DSC2: variants seen among roughly 807,000 people sequenced by gnomAD.
DSC2 encodes desmocollin-2.
Under a neutral mutation model 87.6 loss-of-function variants are expected in DSC2, and 51 were observed. The observed-to-expected ratio is 0.58, with a 90% CI of 0.46 to 0.74. The LOEUF (loss-of-function observed/expected upper bound fraction) is 0.74. Among genes scored for constraint, DSC2 ranks in the 30% least tolerant of loss-of-function variants. The pLI is 0.00. For synonymous variants in DSC2, 383 were observed against 393.2 expected, an observed-to-expected ratio of 0.97 and a Z score of 0.31; for missense variants, 1,066 against 1,089.5, an observed-to-expected ratio of 0.98 and a Z score of 0.30.
In DSC2 at chr18:31,068,938, T is replaced by A. The variant is rs1986724131; in HGVS notation, c.2464A>T (p.Thr822Ser). The change falls in exon 15 of 16, where the codon ACT (threonine) becomes TCT (serine). Residue 822 changes from threonine to serine, a missense_variant. Coordinates refer to ENST00000280904, the MANE Select transcript of DSC2 (RefSeq NM_024422.6). ...GHTEVDNCRY[T>S]YSEWHSFTQP... is the part of the protein sequence containing the mutation. ...GTAAAACTGTGCCACTCCGAGTAAGTGTATCTGCAGTTGTCCACCTCCGTG... is the reference window on the plus strand; with the variant it reads ...GTAAAACTGTGCCACTCCGAGTAAGAGTATCTGCAGTTGTCCACCTCCGTG... The A allele has an allele frequency of 6.2e-7, 1 of 1,613,956 alleles. No individual in the cohort carries two copies. The highest frequency in any genetic ancestry group is 2.2e-5 in the East Asian group (1 of 44,864).
In DSC2 at chr18:31,064,046, G is replaced by A. The variant is rs1986555681; in HGVS notation, c.*3969C>T. Reference sequence around the variant, plus strand: ...GATTTAATCTGGGGTACTGGCGGGGGGGAATATTGATCAGGAATGAAGTGA... The same window carrying A: ...GATTTAATCTGGGGTACTGGCGGGGAGGAATATTGATCAGGAATGAAGTGA... On this transcript the variant is annotated 3_prime_UTR_variant, in exon 16 of 16. Coordinates refer to ENST00000280904, the MANE Select transcript of DSC2 (RefSeq NM_024422.6). 1 of 152,588 alleles carries A rather than the reference G, an allele frequency of 6.6e-6. No individual in the cohort carries two copies. The highest frequency in any genetic ancestry group is 2.4e-5 in the African/African-American group (1 of 41,430). 9.5% of individuals were successfully genotyped at this position (152,588 alleles called of 1,614,324 possible). A position where few individuals can be genotyped will look rare whatever the true frequency, so the allele number is the denominator to read the frequency against.
At chr18:31,091,238 G>A in intron 3 of DSC2, 91 bp from the exon 4 acceptor site, 1 of 1,524,318 alleles carries the variant, frequency 6.6e-7, no homozygotes, top group Non-Finnish European at 9.0e-7. Flanking sequence ...CTCTCAGGAG[G>A]ATTAGCTGGG....
At chr18:31,101,766 C>T in intron 1 of DSC2, 137 bp downstream of exon 1, 1 of 655,908 alleles carries the variant, frequency 1.5e-6, no homozygotes, top group South Asian at 2.2e-5. Flanking sequence ...CCCCCGCCAA[C>T]TCCATTTTCT....
chr18:31,094,344 A>C (rs2144852473), intron 1 of DSC2, among the ~76,000 whole-genome samples: 1 of 152,370 alleles, frequency 6.6e-6, no homozygotes, highest in Middle Eastern at 3.4e-3. Flanking sequence ...TACTCCACAC[A>C]ATAGGCACAT....
intron 5 of DSC2, among the ~76,000 whole-genome samples, chr18:31,089,204 G>GT (rs1987506145): frequency 6.7e-6 from 1 of 149,278 alleles, no homozygotes; most frequent in South Asian, 2.1e-4. Flanking sequence ...AAGTGGTACT[G>GT]TTGTGGGGGA....
chr18:31,093,542 T>C lies in DSC2; in HGVS notation c.154+17A>G, dbSNP rs764750409. 1 of 1,589,628 alleles carries C rather than the reference T, an allele frequency of 6.3e-7. No individual in the cohort carries two copies. Among genetic ancestry groups the C allele is most frequent in the Non-Finnish European group, 8.6e-7 (1 of 1,161,780 alleles). On this transcript the variant is annotated intron_variant, in intron 2 of 15. Coordinates refer to ENST00000280904, the MANE Select transcript of DSC2 (RefSeq NM_024422.6). ...ACAGCAAAACAGGATTTATTACAAA[T>C]TTTAGGGCTTCCTTACCTCTACCAA...
chr18:31,087,564 T>C (rs1379481314), intron 6 of DSC2, 105 bp downstream of exon 6: 6 of 1,342,996 alleles, frequency 4.5e-6, no homozygotes, highest in Non-Finnish European at 5.2e-6. Context: ...CAGAGTCCCT[T>C]ATTCTTGCTG....
Position 31,093,618 on chromosome 18 carries a change from C to T in DSC2, c.95G>A (p.Cys32Tyr), listed in dbSNP as rs2144850464. 1 of 1,596,498 alleles carries T rather than the reference C, an allele frequency of 6.3e-7. No individual in the cohort carries two copies. The highest frequency in any genetic ancestry group is 8.6e-7 in the Non-Finnish European group (1 of 1,168,816). The change falls in exon 2 of 16, where the codon TGC (cysteine) becomes TAC (tyrosine). Residue 32 changes from cysteine to tyrosine, a missense_variant. Transcript: ENST00000280904. Reference sequence around the variant, plus strand: ...GGGAACATGTAATGTCACATTTTTGCAGGCATCACTGGCAAATATTAAGAT... The same window carrying T: ...GGGAACATGTAATGTCACATTTTTGTAGGCATCACTGGCAAATATTAAGAT... The part of the protein sequence containing the change: ...LAILIFASDA[C>Y]KNVTLHVPSK...
Position 31,090,067 on chromosome 18 carries a change from T to C in DSC2, c.475-473A>G, listed in dbSNP as rs150456347. Among the ~76,000 whole-genome samples, 386 of 152,098 alleles carry C rather than the reference T, an allele frequency of 2.5e-3. 1 individual carries two copies. The highest frequency in any genetic ancestry group is 8.4e-3 in the African/African-American group (348 of 41,518). ...TTGTTCTTTGCCAACATCTTCCTTATAGGAACTGAGTAAAAAAAAAAATAT... is the reference window on the plus strand; with the variant it reads ...TTGTTCTTTGCCAACATCTTCCTTACAGGAACTGAGTAAAAAAAAAAATAT... On this transcript the variant is annotated intron_variant, in intron 4 of 15. Transcript: ENST00000280904.
At position 31,086,636 on chromosome 18, in the gene DSC2, T is replaced by C; in HGVS notation, c.882A>G (p.Leu294=). The C allele has an allele frequency of 3.1e-6, 5 of 1,614,116 alleles. No homozygotes were observed. The highest frequency in any genetic ancestry group is 1.7e-4 in the Middle Eastern group (1 of 6,060). ...CGCCTGTAGTTGGATGCATAGAAAA[T>C]AGGGTGGGTGATGGTGGCACCTGCC... is the stretch of plus-strand genomic sequence containing the variant. The part of the protein sequence containing the change: ...IIGQVPPSPT[L]FSMHPTTGVI... The change falls in exon 7 of 16, where the codon CTA becomes CTG. Residue 294 remains leucine, a synonymous_variant. Coordinates refer to ENST00000280904, the MANE Select transcript of DSC2 (RefSeq NM_024422.6).
chr18:31,095,281 C>G (rs941888439), intron 1 of DSC2, among the ~76,000 whole-genome samples: 1 of 151,928 alleles, frequency 6.6e-6, no homozygotes, highest in Admixed American at 6.6e-5. Context: ...CAGAGCACAG[C>G]GAGGGAAGAG....
intron 12 of DSC2, 107 bp downstream of exon 12, chr18:31,074,576 T>C (rs1986945381): frequency 6.7e-6 from 7 of 1,041,610 alleles, no homozygotes; most frequent in African/African-American, 1.6e-5. Context: ...GAAACTTTCA[T>C]TGGTGTTTCC....
At position 31,059,004 on chromosome 18, in the gene DSC2, A is replaced by C. The variant is rs183857633; in HGVS notation, c.*9011T>G. 86 of 152,328 alleles carry C rather than the reference A, an allele frequency of 5.6e-4. No individual in the cohort carries two copies. Among genetic ancestry groups the C allele is most frequent in the African/African-American group, 2.0e-3 (84 of 41,586 alleles). 9.4% of individuals were successfully genotyped at this position (152,328 alleles called of 1,614,324 possible). A position where few individuals can be genotyped will look rare whatever the true frequency, so the allele number is the denominator to read the frequency against. On this transcript the variant is annotated 3_prime_UTR_variant, in exon 16 of 16. Transcript: ENST00000280904. ...CTATGTTCTAGCAATTTTTTAAAGCAGATGAGGAAACTGAAGACTAGGGAG... is the reference window on the plus strand; with the variant it reads ...CTATGTTCTAGCAATTTTTTAAAGCCGATGAGGAAACTGAAGACTAGGGAG...
chr18:31,076,369 G>A (rs1282460039), intron 11 of DSC2, among the ~76,000 whole-genome samples: 1 of 151,932 alleles, frequency 6.6e-6, no homozygotes, highest in Admixed American at 6.6e-5. Context: ...GGGAGAGAGG[G>A]AAAAAACAAA....
At chr18:31,083,121 T>G in intron 7 of DSC2, 61 bp from the exon 8 acceptor site, 1 of 1,563,408 alleles carries the variant, frequency 6.4e-7, no homozygotes, top group South Asian at 1.2e-5. Context: ...ATTGAAATCT[T>G]ACTTTACACT....
chr18:31,089,195 A>G (rs1408332134), intron 5 of DSC2, among the ~76,000 whole-genome samples: 2 of 150,442 alleles, frequency 1.3e-5, no homozygotes, highest in Non-Finnish European at 2.9e-5. Flanking sequence ...TGTTCTTCAA[A>G]GTGGTACTGT....
intron 12 of DSC2, 152 bp downstream of exon 12, chr18:31,074,531 A>G (rs1785129679): frequency 2.8e-6 from 2 of 725,214 alleles, no homozygotes; most frequent in Admixed American, 2.3e-5. Context: ...TTAGAGACAC[A>G]CTAGAGAGAC....
chr18:31,091,084 T>A lies in DSC2; in HGVS notation c.418A>T (p.Ile140Phe). The A allele has an allele frequency of 6.2e-7, 1 of 1,614,084 alleles. No individual in the cohort carries two copies. Among genetic ancestry groups the A allele is most frequent in the Non-Finnish European group, 8.5e-7 (1 of 1,179,968 alleles). ...GAGTTTTCTAGCATCGAACAAGGAA[T>A]TGGAGCCCATCTTCTCTTGGCGCGC... ...LRRAKRRWAP[I>F]PCSMLENSLG... Residue 140 changes from isoleucine to phenylalanine, a missense_variant, in exon 4 of 16, where the codon ATT becomes TTT. Transcript: ENST00000280904.
intron 11 of DSC2, among the ~76,000 whole-genome samples, chr18:31,079,185 A>G (rs1254527359): frequency 2.0e-5 from 3 of 152,178 alleles, no homozygotes; most frequent in Non-Finnish European, 1.5e-5. Flanking sequence ...CTTTCCTACA[A>G]AGTGAACACT....
Sources: gnomAD v4.1 joint callset for allele counts (sites outside exome capture counted in the v4.1 genomes callset) on GRCh38, gnomAD v4.1.1 for gene constraint, MANE v1.5 for transcripts, NCBI Gene and HGNC (gene_info 2026-07-23, HGNC 2026-07-21) for gene names.